Variants in DNAH11 observed in about 807,000 individuals in gnomAD.
The protein encoded by DNAH11 is axonemal beta dynein heavy chain 11.
A neutral mutation model predicts 526.0 loss-of-function variants in DNAH11; 442 were observed. The ratio of observed to expected loss-of-function variants is 0.84; its 90% CI spans 0.78 to 0.91. The LOEUF is 0.91. Among genes scored for constraint, DNAH11 ranks in the 40% least tolerant of loss-of-function variants. The probability of loss-of-function intolerance (pLI) is 0.00; values close to 1 mark genes in which losing one functional copy is unlikely to be tolerated. For missense variants in DNAH11, 6,989 were observed against 5,448.7 expected (o/e 1.28, Z -8.90); for synonymous variants, 2,461 against 1,935.9 (o/e 1.27, Z -7.12).
chr7:21,543,685 G>GCGCT, intron 1 of DNAH11, 89 bp downstream of exon 1: 1 of 1,415,086 alleles, frequency 7.1e-7, no homozygotes, highest in Non-Finnish European at 9.5e-7. Flanking sequence ...TTCCCGCGGG[G>GCGCT]CGCTCACTCG....
intron 42 of DNAH11, among the ~76,000 whole-genome samples, chr7:21,713,827 T>C (rs896417132): frequency 6.6e-6 from 1 of 152,222 alleles, no homozygotes; most frequent in African/African-American, 2.4e-5. Context: ...GGATATGTTT[T>C]GGGGAAGGAG....
intron 45 of DNAH11, among the ~76,000 whole-genome samples, chr7:21,728,608 C>T (rs1583634965): frequency 6.6e-6 from 1 of 152,068 alleles, no homozygotes; most frequent in East Asian, 1.9e-4. Context: ...CTCTAAGTCC[C>T]AAATATAATC....
At chr7:21,729,912 G>A (rs1338300129) in intron 45 of DNAH11, among the ~76,000 whole-genome samples, 3 of 152,178 alleles carry the variant, frequency 2.0e-5, no homozygotes, top group South Asian at 4.1e-4. Flanking sequence ...ATCAAAATCT[G>A]TATTAACCAT....
intron 66 of DNAH11, 49 bp downstream of exon 66, chr7:21,842,797 A>C: frequency 6.7e-7 from 1 of 1,487,742 alleles, no homozygotes; most frequent in South Asian, 1.3e-5. Flanking sequence ...TTTGCTTTGC[A>C]CAAATCACAG....
chr7:21,846,944 G>T (rs1782443514), intron 66 of DNAH11, among the ~76,000 whole-genome samples: 1 of 152,060 alleles, frequency 6.6e-6, no homozygotes, highest in East Asian at 1.9e-4. Flanking sequence ...CAAAGTTTCA[G>T]TTCACTTCAT....
rs1475225215 is a variant in DNAH11, at chr7:21,707,754, A to G, written c.6602A>G (p.Asn2201Ser). ...YVNMKQKPVW[N>S]DLNPKAVTTD... ...AACATGAAACAGAAGCCGGTTTGGA[A>G]TGACTTAAACCCTAAAGCTGTGACA... Residue 2201 changes from asparagine to serine, a missense_variant, in exon 40 of 82, where the codon AAT becomes AGT. Physicochemically the swap from Asn to Ser is conservative, Grantham distance 46 (BLOSUM62 1). Coordinates refer to ENST00000409508, the MANE Select transcript of DNAH11 (RefSeq NM_001277115.2). 1 of 1,613,508 alleles carries G rather than the reference A, an allele frequency of 6.2e-7. No individual in the cohort carries two copies. Among genetic ancestry groups the G allele is most frequent in the South Asian group, 1.1e-5 (1 of 91,010 alleles).
chr7:21,558,698 A>G (rs1449207141), intron 2 of DNAH11, 104 bp from the exon 3 acceptor site: 15 of 715,794 alleles, frequency 2.1e-5, no homozygotes, highest in Admixed American at 1.0e-4. Context: ...ATCATTGGAT[A>G]TTTATGAAAT....
chr7:21,817,552 G>C (rs1427874730), intron 64 of DNAH11, among the ~76,000 whole-genome samples: 2 of 146,852 alleles, frequency 1.4e-5, no homozygotes, highest in African/African-American at 5.0e-5. Context: ...AAGTTGCCAG[G>C]TATGGTAGTG....
chr7:21,848,512 C>T (rs1184181415), intron 66 of DNAH11, among the ~76,000 whole-genome samples: 1 of 151,976 alleles, frequency 6.6e-6, no homozygotes, highest in African/African-American at 2.4e-5. Context: ...ACTTGTTTCT[C>T]ACTAGTTTTG....
Position 21,666,912 on chromosome 7 carries a change from AC to A in DNAH11, c.5328+7882del, listed in dbSNP as rs375392863. On this transcript the variant is annotated intron_variant, in intron 30 of 81. Transcript: ENST00000409508. ...TGACAGGTAAGGTATATGAAAAAAA[AC>A]ATAGTGTTCCTAGAAATACAGGAAC... Among the ~76,000 whole-genome samples, 5 of 152,220 alleles carry A rather than the reference AC, an allele frequency of 3.3e-5. No individual in the cohort carries two copies. In the South Asian group the frequency reaches 8.3e-4, roughly 25 times the overall value.
In DNAH11 at chr7:21,735,721, C is replaced by G. The variant is rs1375608487; in HGVS notation, c.7522C>G (p.Leu2508Val). The change falls in exon 46 of 82, where the codon CTA (leucine) becomes GTA (valine). Residue 2508 changes from leucine (L) to valine (V), a missense_variant. Physicochemically the swap from Leu to Val is conservative, Grantham distance 32. Coordinates refer to ENST00000409508, the MANE Select transcript of DNAH11 (RefSeq NM_001277115.2). ...LLLEKGKPLM[L>V]VGNAGVGKTV... ...GCTTGAGAAAGGAAAACCTCTAATGCTAGTAGGAAATGCAGGAGTGGGAAA... is the reference window on the plus strand; with the variant it reads ...GCTTGAGAAAGGAAAACCTCTAATGGTAGTAGGAAATGCAGGAGTGGGAAA... 2 of 1,613,770 alleles carry G rather than the reference C, an allele frequency of 1.2e-6. No homozygotes were observed. The highest frequency in any genetic ancestry group is 1.7e-6 in the Non-Finnish European group (2 of 1,179,874).
Position 21,564,309 on chromosome 7 carries a change from G to T in DNAH11, c.1106G>T (p.Cys369Phe). The T allele has an allele frequency of 6.2e-7, 1 of 1,613,654 alleles. No homozygotes were observed. ...ATCGCTCCATTATTTCATACCATCT[G>T]TCTGATCTGGAGTCATTCCAAGTTT... is the stretch of plus-strand genomic sequence containing the variant. ...ILIAPLFHTI[C>F]LIWSHSKFYN... The change falls in exon 6 of 82, where the codon TGT (cysteine) becomes TTT (phenylalanine). Residue 369 changes from cysteine to phenylalanine, a missense_variant. By Grantham distance (205) the Cys-to-Phe change is radical (BLOSUM62 -2). Transcript: ENST00000409508.
chr7:21,643,169 T>G (rs910430117), intron 28 of DNAH11, among the ~76,000 whole-genome samples: 2 of 152,180 alleles, frequency 1.3e-5, no homozygotes, highest in African/African-American at 4.8e-5. Flanking sequence ...GTATTAACAT[T>G]CTTTGGTATT....
At chr7:21,743,682 T>A (rs1786020043) in intron 49 of DNAH11, among the ~76,000 whole-genome samples, 1 of 152,182 alleles carries the variant, frequency 6.6e-6, no homozygotes, top group African/African-American at 2.4e-5. Context: ...GCCAGAAAGA[T>A]TGCTTAATAC....
Position 21,901,394 on chromosome 7 carries a change from GA to G in DNAH11, c.*143del. The G allele has an allele frequency of 8.3e-7, 1 of 1,208,798 alleles. No homozygotes were observed. 74.9% of individuals were successfully genotyped at this position (1,208,798 alleles called of 1,614,324 possible). Reference sequence around the variant, plus strand: ...CTTTTTTCAACGCTATCCTTAGAGTGAAAGTCAGAAAAAAATACTAGAAACT... The same window carrying G: ...CTTTTTTCAACGCTATCCTTAGAGTGAAGTCAGAAAAAAATACTAGAAACT... On this transcript the variant is annotated 3_prime_UTR_variant, in exon 82 of 82. Coordinates refer to ENST00000409508, the MANE Select transcript of DNAH11 (RefSeq NM_001277115.2).
intron 54 of DNAH11, among the ~76,000 whole-genome samples, chr7:21,763,203 G>A (rs769640824): frequency 5.9e-5 from 9 of 151,866 alleles, no homozygotes; most frequent in Middle Eastern, 3.4e-3. Context: ...TTAGCCTGGC[G>A]TGGTGGCAAG....
At chr7:21,800,746 A>T (rs935169176) in intron 61 of DNAH11, among the ~76,000 whole-genome samples, 1 of 152,230 alleles carries the variant, frequency 6.6e-6, no homozygotes, top group African/African-American at 2.4e-5. Context: ...CCGTGGGTGG[A>T]GAAACCAAAC....
intron 44 of DNAH11, among the ~76,000 whole-genome samples, chr7:21,721,191 C>G (rs544868554): frequency 6.6e-6 from 1 of 152,206 alleles, no homozygotes; most frequent in Non-Finnish European, 1.5e-5. Flanking sequence ...CTGCCCCATA[C>G]TCCAACTTGC....
intron 30 of DNAH11, among the ~76,000 whole-genome samples, chr7:21,669,657 T>TTGTG (rs58030631): frequency 9.3e-5 from 14 of 149,806 alleles, no homozygotes; most frequent in Non-Finnish European, 1.5e-4. Flanking sequence ...GTTTTTCTTT[T>TTGTG]TGTGTGTGTG....
Sources: gnomAD v4.1 joint callset for allele counts (sites outside exome capture counted in the v4.1 genomes callset) on GRCh38, gnomAD v4.1.1 for gene constraint, MANE v1.5 for transcripts, NCBI Gene and HGNC (gene_info 2026-07-23, HGNC 2026-07-21) for gene names.